Variants in SMG7 observed in about 807,000 individuals in gnomAD.
SMG7 encodes nonsense-mediated mRNA decay factor SMG7.
Under a neutral mutation model 148.2 loss-of-function variants are expected in SMG7, and 34 were observed. The observed-to-expected ratio is 0.23, with a 90% confidence interval of 0.17 to 0.31. The LOEUF (loss-of-function observed/expected upper bound fraction) is 0.31, where lower values mean the gene tolerates loss of function less well. Among genes scored for constraint, SMG7 ranks in the 10% least tolerant of loss-of-function variants. The pLI is 1.00. For synonymous variants in SMG7, 492 were observed against 515.1 expected, an observed-to-expected ratio of 0.96 and a Z score of 0.61; for missense variants, 1,114 against 1,408.4, an observed-to-expected ratio of 0.79 and a Z score of 3.35.
At chr1:183,502,684 A>G (rs947203645) in intron 1 of SMG7, among the ~76,000 whole-genome samples, 10 of 152,196 alleles carry the variant, frequency 6.6e-5, no homozygotes, top group Non-Finnish European at 1.5e-4. Context: ...CTGAATATTT[A>G]TGATAAACGT....
chr1:183,505,502 G>GC (rs1353210578), intron 1 of SMG7, among the ~76,000 whole-genome samples: 3 of 152,120 alleles, frequency 2.0e-5, no homozygotes, highest in Non-Finnish European at 4.4e-5. Context: ...ACCCTTCTGA[G>GC]TTTGTGGGCA....
intron 22 of SMG7, among the ~76,000 whole-genome samples, chr1:183,551,599 A>G (rs1671065009): frequency 6.6e-6 from 1 of 152,206 alleles, no homozygotes; most frequent in African/African-American, 2.4e-5. Flanking sequence ...GACTTGACAT[A>G]AAATGTGATT....
chr1:183,532,638 T>C (rs1403898002), intron 8 of SMG7, among the ~76,000 whole-genome samples: 2 of 152,212 alleles, frequency 1.3e-5, no homozygotes, highest in Non-Finnish European at 2.9e-5. Flanking sequence ...CCAGAATATG[T>C]ACTTGCTATG....
chr1:183,549,821 A>G lies in SMG7; in HGVS notation c.3031A>G (p.Ser1011Gly), dbSNP rs748761121. ...GGTATATGGGAAAAACCTGACATCC[A>G]GCTCCAAAGCAGAACTCAGTCCCTC... Reference protein sequence around the residue: ...NEVYGKNLTSSSKAELSPSMA... With the variant: ...NEVYGKNLTSGSKAELSPSMA... Residue 1011 changes from serine to glycine, a missense_variant, in exon 20 of 23, where the codon AGC becomes GGC. Ser to Gly is a moderately conservative substitution (Grantham distance 56). Coordinates refer to ENST00000688051, the MANE Select transcript of SMG7 (RefSeq NM_001375584.1). 6.2e-7 allele frequency: 1 copy of G among 1,613,848 alleles called. No homozygotes were observed. Among genetic ancestry groups the G allele is most frequent in the Non-Finnish European group, 8.5e-7 (1 of 1,179,774 alleles).
intron 1 of SMG7, among the ~76,000 whole-genome samples, chr1:183,493,961 C>T (rs1325752813): frequency 6.6e-6 from 1 of 152,030 alleles, no homozygotes; most frequent in African/African-American, 2.4e-5. Context: ...TTATCTATTT[C>T]TCTATTCCCT....
rs12568823 is a variant in SMG7 at position 183,533,810 on chromosome 1, G to A, written c.1141G>A (p.Ala381Thr). The change falls in exon 10 of 23, where the codon GCA becomes ACA. Residue 381 changes from alanine (A) to threonine (T), a missense_variant. Transcript: ENST00000688051. Reference protein sequence around the residue: ...LRLRPRVFQEAVVDERQYIWP... With the variant: ...LRLRPRVFQETVVDERQYIWP... ...ACTCAGACCCAGGGTCTTTCAGGAGGCAGTGGTGGATGAAAGACAGTAGTA... is the reference window on the plus strand; with the variant it reads ...ACTCAGACCCAGGGTCTTTCAGGAGACAGTGGTGGATGAAAGACAGTAGTA... 2 of 1,611,192 alleles carry A rather than the reference G, an allele frequency of 1.2e-6. No homozygotes were observed. The highest frequency in any genetic ancestry group is 2.2e-5 in the South Asian group (2 of 90,618).
At chr1:183,475,826 T>G (rs1350910210) in intron 1 of SMG7, among the ~76,000 whole-genome samples, 1 of 152,204 alleles carries the variant, frequency 6.6e-6, no homozygotes, top group African/African-American at 2.4e-5. Context: ...AAGACTTCCT[T>G]AGATGTGGAA....
At chr1:183,511,288 C>A (rs1662092978) in intron 1 of SMG7, among the ~76,000 whole-genome samples, 1 of 152,130 alleles carries the variant, frequency 6.6e-6, no homozygotes, top group Admixed American at 6.5e-5. Flanking sequence ...GATGAGCATT[C>A]TTAAAATCTG....
chr1:183,509,154 A>T (rs1358926587), intron 1 of SMG7, among the ~76,000 whole-genome samples: 1 of 152,188 alleles, frequency 6.6e-6, no homozygotes, highest in African/African-American at 2.4e-5. Context: ...GCTGTGTTCC[A>T]ATAAAACTGT....
At chr1:183,509,696 A>G (rs1661714244) in intron 1 of SMG7, among the ~76,000 whole-genome samples, 1 of 152,224 alleles carries the variant, frequency 6.6e-6, no homozygotes, top group Non-Finnish European at 1.5e-5. Flanking sequence ...CTGCCCAGAA[A>G]TGAGCGCCTC....
At chr1:183,477,616 G>A (rs1227035145) in intron 1 of SMG7, among the ~76,000 whole-genome samples, 9 of 121,936 alleles carry the variant, frequency 7.4e-5, no homozygotes, top group South Asian at 2.9e-4. Context: ...GCATATATAC[G>A]TGTGTGCATA....
chr1:183,524,915 C>G (rs931112306), intron 4 of SMG7, among the ~76,000 whole-genome samples: 8 of 152,170 alleles, frequency 5.3e-5, no homozygotes, highest in Admixed American at 2.0e-4. Context: ...CCCTCCCTCT[C>G]TCCCCTCTAC....
chr1:183,510,308 G>A (rs759498082), intron 1 of SMG7, among the ~76,000 whole-genome samples: 3 of 152,042 alleles, frequency 2.0e-5, no homozygotes, highest in East Asian at 1.9e-4. Context: ...GGGGAGGAGC[G>A]ACATTTGTGA....
At chr1:183,510,724 TAAAAAATGGC>T (rs1661921267) in intron 1 of SMG7, among the ~76,000 whole-genome samples, 1 of 152,010 alleles carries the variant, frequency 6.6e-6, no homozygotes, top group South Asian at 2.1e-4. Context: ...TTTGCTATGT[TAAAAAATGGC>T]AAAAACCATG....
intron 3 of SMG7, 62 bp from the exon 4 acceptor site, chr1:183,517,626 G>A (rs1211486152): frequency 1.3e-6 from 2 of 1,520,686 alleles, no homozygotes; most frequent in East Asian, 4.5e-5. Flanking sequence ...TTGTTCTCAG[G>A]GGGACCAGTG....
Position 183,553,134 on chromosome 1 carries a change from G to T in SMG7, c.*1203G>T. The T allele has an allele frequency of 6.5e-7, 1 of 1,536,408 alleles. No homozygotes were observed. The highest frequency in any genetic ancestry group is 1.2e-5 in the South Asian group (1 of 84,062). On this transcript the variant is annotated 3_prime_UTR_variant, in exon 23 of 23. Transcript: ENST00000688051. Reference sequence around the variant, plus strand: ...GTGAAATTCAAGGCAGCACGGACATGTGCCCATCAGGCACAGAAGAAAACA... The same window carrying T: ...GTGAAATTCAAGGCAGCACGGACATTTGCCCATCAGGCACAGAAGAAAACA...
Position 183,546,287 on chromosome 1 carries a change from C to A in SMG7, c.2692C>A (p.Pro898Thr). ...CATAGACCGCAGGGGCAAACGGTCACCAGGAGTCTTCCGTCCAGAGCAGGA... is the reference window on the plus strand; with the variant it reads ...CATAGACCGCAGGGGCAAACGGTCAACAGGAGTCTTCCGTCCAGAGCAGGA... ...ANIDRRGKRS[P>T]GVFRPEQDPV... Residue 898 changes from proline to threonine, a missense_variant, in exon 17 of 23, where the codon CCA becomes ACA. Physicochemically the swap from Pro to Thr is conservative, Grantham distance 38 (BLOSUM62 -1). This residue lies in a region of SMG7 where 788 missense variants were observed against 894.5 expected (regional missense o/e 0.88). Transcript: ENST00000688051. The A allele has an allele frequency of 6.2e-7, 1 of 1,613,994 alleles. No individual in the cohort carries two copies. Among genetic ancestry groups the A allele is most frequent in the Non-Finnish European group, 8.5e-7 (1 of 1,179,950 alleles).
In SMG7 at chr1:183,537,140, T is replaced by C. The variant is rs1453749806; in HGVS notation, c.1164-5T>C. ...TAAAGTCTGAACTCTTTCTTTAATT[T>C]ACAGCATTTGGCCCTGGTTGATTTC... On this transcript the variant is annotated splice_polypyrimidine_tract_variant and splice_region_variant and intron_variant, in intron 10 of 22. Transcript: ENST00000688051. 2 of 1,608,474 alleles carry C rather than the reference T, an allele frequency of 1.2e-6. No homozygotes were observed. The highest frequency in any genetic ancestry group is 1.7e-6 in the Non-Finnish European group (2 of 1,175,112).
In SMG7 at chr1:183,541,063, T is replaced by C. The variant is rs752151196; in HGVS notation, c.1375T>C (p.Leu459=). The C allele has an allele frequency of 2.5e-6, 4 of 1,613,686 alleles. No individual in the cohort carries two copies. The highest frequency in any genetic ancestry group is 1.1e-5 in the South Asian group (1 of 91,088). Residue 459 remains leucine, a synonymous_variant, in exon 13 of 23, where the codon TTG becomes CTG. Coordinates refer to ENST00000688051, the MANE Select transcript of SMG7 (RefSeq NM_001375584.1). ...GCAACGACGAATACGACAGCAACGC[T>C]TGATCTCTATAGGCAAATGGATTGC... ...GQQRRIRQQR[L]ISIGKWIADN... is the part of the protein sequence containing the mutation.
Sources: gnomAD v4.1 joint callset for allele counts (sites outside exome capture counted in the v4.1 genomes callset) on GRCh38, gnomAD v4.1.1 for gene constraint, gnomAD v4.1.1 regional missense constraint, MANE v1.5 for transcripts, NCBI Gene and HGNC (gene_info 2026-07-23, HGNC 2026-07-21) for gene names.